Variants in INSC observed in about 807,000 individuals in gnomAD.
INSC encodes INSC spindle orientation adaptor protein.
In INSC, 67 loss-of-function variants were observed where a neutral mutation model predicts 58.6. The ratio of observed to expected loss-of-function variants is 1.14; its 90% CI spans 0.94 to 1.40. The LOEUF is 1.40. INSC is among the 40% of genes most tolerant of loss of function. The probability of loss-of-function intolerance (pLI) is 0.00; values close to 1 mark genes in which losing one functional copy is unlikely to be tolerated. For synonymous variants in INSC, 262 were observed against 276.1 expected, an observed-to-expected ratio of 0.95 and a Z score of 0.51; for missense variants, 714 against 692.0, an observed-to-expected ratio of 1.03 and a Z score of -0.36.
chr11:15,169,765 C>T (rs902786708), intron 2 of INSC, among the ~76,000 whole-genome samples: 1 of 151,712 alleles, frequency 6.6e-6, no homozygotes, highest in African/African-American at 2.4e-5. Context: ...CTAGGCTGGT[C>T]TCGAATAGTT....
intron 9 of INSC, among the ~76,000 whole-genome samples, chr11:15,228,066 AAATT>A (rs1300364552): frequency 2.0e-5 from 3 of 152,186 alleles, no homozygotes; most frequent in African/African-American, 7.2e-5. Context: ...AATAAGAATT[AAATT>A]AATTAATAAA....
chr11:15,127,791 A>G (rs1441498165), intron 1 of INSC, among the ~76,000 whole-genome samples: 1 of 152,150 alleles, frequency 6.6e-6, no homozygotes, highest in Non-Finnish European at 1.5e-5. Flanking sequence ...GGGAGACTAG[A>G]GAGAACTTGA....
At chr11:15,223,170 T>G (rs1734645843) in intron 8 of INSC, among the ~76,000 whole-genome samples, 1 of 152,248 alleles carries the variant, frequency 6.6e-6, no homozygotes, top group South Asian at 2.1e-4. Flanking sequence ...AGGCATAGAC[T>G]TTTAAAGATA....
the INSC span, among the ~76,000 whole-genome samples, chr11:15,261,160 T>G: frequency 6.6e-6 from 1 of 152,218 alleles, no homozygotes; most frequent in Non-Finnish European, 1.5e-5. Context: ...TGTTGCTTGC[T>G]TGATCCTGGA....
chr11:15,115,760 C>T (rs973480942), intron 1 of INSC, among the ~76,000 whole-genome samples: 19 of 152,200 alleles, frequency 1.2e-4, no homozygotes, highest in Admixed American at 3.9e-4. Flanking sequence ...CCATGTGCAC[C>T]AGTCTTGCAC....
chr11:15,158,805 C>T (rs991494767), intron 2 of INSC, among the ~76,000 whole-genome samples: 1 of 149,518 alleles, frequency 6.7e-6, no homozygotes, highest in African/African-American at 2.5e-5. Flanking sequence ...TGACTCCTTG[C>T]TGGAACTCAA....
chr11:15,116,516 GCA>G (rs1847699262), intron 1 of INSC, among the ~76,000 whole-genome samples: 1 of 152,130 alleles, frequency 6.6e-6, no homozygotes, highest in South Asian at 2.1e-4. Flanking sequence ...TGACCACTGG[GCA>G]CACACTATAC....
the INSC span, among the ~76,000 whole-genome samples, chr11:15,267,399 C>T: frequency 6.6e-6 from 1 of 151,988 alleles, no homozygotes; most frequent in Non-Finnish European, 1.5e-5. Flanking sequence ...AAATTTCCCA[C>T]AGCTCACTCA....
intron 8 of INSC, 34 bp downstream of exon 8, chr11:15,221,682 A>G (rs1851448803): frequency 6.3e-7 from 1 of 1,575,514 alleles, no homozygotes; most frequent in South Asian, 1.2e-5. Flanking sequence ...CCACTAGGAG[A>G]GAGGGCCTTG....
At chr11:15,233,435 G>T (rs1852000059) in intron 9 of INSC, among the ~76,000 whole-genome samples, 1 of 152,138 alleles carries the variant, frequency 6.6e-6, no homozygotes, top group Non-Finnish European at 1.5e-5. Flanking sequence ...ATGTTATGGT[G>T]CACACAAGGA....
chr11:15,120,977 T>A (rs1847858011), intron 1 of INSC, among the ~76,000 whole-genome samples: 1 of 151,736 alleles, frequency 6.6e-6, no homozygotes, highest in Admixed American at 6.6e-5. Context: ...ATTATTTTTA[T>A]TATTTGCATA....
At chr11:15,255,305 C>G in the INSC span, among the ~76,000 whole-genome samples, 1 of 152,180 alleles carries the variant, frequency 6.6e-6, no homozygotes, top group East Asian at 1.9e-4. Context: ...AATATTTTAA[C>G]ACTTGTTAAA....
At chr11:15,125,933 G>C (rs753274296) in intron 1 of INSC, among the ~76,000 whole-genome samples, 10 of 152,180 alleles carry the variant, frequency 6.6e-5, no homozygotes, top group Admixed American at 2.0e-4. Context: ...CTTGACAGGT[G>C]GGGAGGGCAA....
At position 15,175,737 on chromosome 11, in the gene INSC, G is replaced by T; in HGVS notation, c.57-4G>T. On this transcript the variant is annotated splice_polypyrimidine_tract_variant and splice_region_variant and intron_variant, in intron 2 of 12. Coordinates refer to ENST00000379556, the MANE Select transcript of INSC (RefSeq NM_001042536.3). Reference sequence around the variant, plus strand: ...ATTATCGTGGTGCTGTTTCCTGGTTGCAGGCTACACCTGATGCAGGTGGAC... The same window carrying T: ...ATTATCGTGGTGCTGTTTCCTGGTTTCAGGCTACACCTGATGCAGGTGGAC... The T allele has an allele frequency of 6.5e-7, 1 of 1,533,386 alleles. No homozygotes were observed. Among genetic ancestry groups the T allele is most frequent in the Non-Finnish European group, 8.8e-7 (1 of 1,134,052 alleles). 95.0% of individuals were successfully genotyped at this position (1,533,386 alleles called of 1,614,324 possible).
chr11:15,249,465 T>C (rs1161876182), downstream of INSC, among the ~76,000 whole-genome samples: 2 of 152,136 alleles, frequency 1.3e-5, no homozygotes, highest in Non-Finnish European at 2.9e-5. Flanking sequence ...GAGTAGGAGA[T>C]GGCAGCACCT....
chr11:15,258,315 G>A, the INSC span, among the ~76,000 whole-genome samples: 1 of 152,166 alleles, frequency 6.6e-6, no homozygotes, highest in African/African-American at 2.4e-5. Flanking sequence ...GTCAGAGACT[G>A]AAGATGCTGA....
At chr11:15,241,148 G>A (rs533432251) in intron 12 of INSC, among the ~76,000 whole-genome samples, 16 of 152,228 alleles carry the variant, frequency 1.1e-4, no homozygotes, top group African/African-American at 3.6e-4. Flanking sequence ...GAAAATGCAT[G>A]CTTCGTCTAT....
chr11:15,149,267 C>T (rs767568552), intron 2 of INSC, 37 bp downstream of exon 2: 6 of 1,459,466 alleles, frequency 4.1e-6, no homozygotes, highest in Non-Finnish European at 1.8e-6. Flanking sequence ...CCAGGCCTGC[C>T]CCATCTGAAC....
chr11:15,138,437 C>G (rs927365255), intron 1 of INSC, among the ~76,000 whole-genome samples: 14 of 152,200 alleles, frequency 9.2e-5, no homozygotes, highest in African/African-American at 3.4e-4. Flanking sequence ...CCCCAACTCC[C>G]AACACTGCCC....
Sources: gnomAD v4.1 joint callset for allele counts (sites outside exome capture counted in the v4.1 genomes callset) on GRCh38, gnomAD v4.1.1 for gene constraint, MANE v1.5 for transcripts, NCBI Gene and HGNC (gene_info 2026-07-23, HGNC 2026-07-21) for gene names.